Variants in CENPW observed in about 807,000 individuals in gnomAD.
CENPW encodes cancer-up-regulated gene 2 protein.
CENPW carries 3 observed loss-of-function variants against 11.1 expected under a neutral mutation model. The ratio of observed to expected loss-of-function variants is 0.27; its 90% CI spans 0.12 to 0.70. The LOEUF (loss-of-function observed/expected upper bound fraction) is 0.70, where lower values mean the gene tolerates loss of function less well. CENPW is among the 30% of genes least tolerant of loss of function. The pLI is 0.77. For missense variants in CENPW, 100 were observed against 105.6 expected (o/e 0.95, Z 0.23); for synonymous variants, 38 against 42.0 (o/e 0.91, Z 0.37).
chr6:126,459,868 T>C, the CENPW span, among the ~76,000 whole-genome samples: 5 of 151,640 alleles, frequency 3.3e-5, no homozygotes, highest in African/African-American at 1.2e-4. Flanking sequence ...GTTTGTAGTA[T>C]TAACAACTGT....
the CENPW span, among the ~76,000 whole-genome samples, chr6:126,463,658 A>G: frequency 6.6e-6 from 1 of 152,084 alleles, no homozygotes; most frequent in South Asian, 2.1e-4. Flanking sequence ...AATAGGATAA[A>G]TACTTGAGCA....
At chr6:126,421,949 G>T in the CENPW span, among the ~76,000 whole-genome samples, 1 of 152,052 alleles carries the variant, frequency 6.6e-6, no homozygotes, top group Non-Finnish European at 1.5e-5. Flanking sequence ...GCCATGTTCT[G>T]CCTCACATCC....
the CENPW span, among the ~76,000 whole-genome samples, chr6:126,375,275 C>T: frequency 6.6e-6 from 1 of 152,050 alleles, no homozygotes; most frequent in Non-Finnish European, 1.5e-5. Flanking sequence ...TAAATTAGGC[C>T]AGATAATATG....
At chr6:126,477,167 A>T in the CENPW span, among the ~76,000 whole-genome samples, 1 of 151,954 alleles carries the variant, frequency 6.6e-6, no homozygotes, top group Admixed American at 6.6e-5. Flanking sequence ...TTTTGCTAAC[A>T]TCCTCTGTCT....
chr6:126,395,136 T>C, the CENPW span, among the ~76,000 whole-genome samples: 1 of 152,084 alleles, frequency 6.6e-6, no homozygotes, highest in African/African-American at 2.4e-5. Flanking sequence ...CTACTCCCCC[T>C]TCCACTCTTT....
chr6:126,413,021 AG>A, the CENPW span, among the ~76,000 whole-genome samples: 1 of 152,154 alleles, frequency 6.6e-6, no homozygotes, highest in Non-Finnish European at 1.5e-5. Flanking sequence ...GACATTTTCC[AG>A]AAGCTTTAAA....
At chr6:126,376,685 A>G in the CENPW span, among the ~76,000 whole-genome samples, 3 of 152,192 alleles carry the variant, frequency 2.0e-5, no homozygotes, top group Non-Finnish European at 4.4e-5. Flanking sequence ...CTAGTCACAA[A>G]TCATGTTTTT....
At chr6:126,434,950 T>C in the CENPW span, among the ~76,000 whole-genome samples, 3 of 152,126 alleles carry the variant, frequency 2.0e-5, no homozygotes, top group East Asian at 5.8e-4. Context: ...ATCCAGATTA[T>C]GCCATTTCTT....
the CENPW span, among the ~76,000 whole-genome samples, chr6:126,456,985 C>G: frequency 6.6e-6 from 1 of 151,508 alleles, no homozygotes; most frequent in African/African-American, 2.4e-5. Context: ...ATGAAAACCA[C>G]AAACGTGATA....
chr6:126,373,204 T>A, the CENPW span, among the ~76,000 whole-genome samples: 1 of 152,196 alleles, frequency 6.6e-6, no homozygotes, highest in East Asian at 1.9e-4. Flanking sequence ...TAGATGAAAC[T>A]CTAAAGTATT....
chr6:126,377,346 G>C, the CENPW span, among the ~76,000 whole-genome samples: 50 of 152,250 alleles, frequency 3.3e-4, 1 homozygote, highest in South Asian at 0.01. Context: ...AAAAAGACCA[G>C]AATTAGTCAC....
At chr6:126,430,210 G>A in the CENPW span, among the ~76,000 whole-genome samples, 3 of 152,146 alleles carry the variant, frequency 2.0e-5, no homozygotes, top group African/African-American at 4.8e-5. Flanking sequence ...TTCGCATCAT[G>A]TCTTGAACAT....
the CENPW span, among the ~76,000 whole-genome samples, chr6:126,464,023 A>G: frequency 3.9e-5 from 6 of 152,232 alleles, no homozygotes; most frequent in African/African-American, 7.2e-5. Flanking sequence ...AAAAAACTAC[A>G]TATTGATAAC....
At chr6:126,418,370 T>C in the CENPW span, among the ~76,000 whole-genome samples, 38 of 152,158 alleles carry the variant, frequency 2.5e-4, no homozygotes, top group Non-Finnish European at 2.9e-5. Context: ...GATGAATGAA[T>C]AAATAAAATG....
chr6:126,367,738 G>T, the CENPW span, among the ~76,000 whole-genome samples: 441 of 152,246 alleles, frequency 2.9e-3, 4 homozygotes, highest in African/African-American at 9.8e-3. Context: ...TAGGGACAGT[G>T]AAACTCATTT....
chr6:126,432,199 T>G, the CENPW span, among the ~76,000 whole-genome samples: 1 of 152,128 alleles, frequency 6.6e-6, no homozygotes. Context: ...TCATGTGCTC[T>G]CAAATTCTCA....
chr6:126,356,832 A>G, the CENPW span, among the ~76,000 whole-genome samples: 5 of 151,236 alleles, frequency 3.3e-5, no homozygotes, highest in Non-Finnish European at 7.4e-5. Flanking sequence ...TAGATATTAA[A>G]CCTTTGTTAG....
At chr6:126,471,190 G>A in the CENPW span, among the ~76,000 whole-genome samples, 8 of 152,218 alleles carry the variant, frequency 5.3e-5, no homozygotes, top group Admixed American at 6.5e-5. Flanking sequence ...GAGGGACCTC[G>A]TGGAAGGTGA....
the CENPW span, among the ~76,000 whole-genome samples, chr6:126,383,824 G>T: frequency 6.6e-6 from 1 of 152,088 alleles, no homozygotes; most frequent in African/African-American, 2.4e-5. Flanking sequence ...CAGTAATACT[G>T]GGAGGCTTTA....
Sources: gnomAD v4.1 joint callset for allele counts (sites outside exome capture counted in the v4.1 genomes callset) on GRCh38, gnomAD v4.1.1 for gene constraint, MANE v1.5 for transcripts, NCBI Gene and HGNC (gene_info 2026-07-23, HGNC 2026-07-21) for gene names.